The following ADPGK variants were observed in gnomAD, a reference collection of about 807,000 sequenced individuals.
ADPGK encodes the protein ADP-dependent glucokinase.
Under a neutral mutation model 42.4 loss-of-function variants are expected in ADPGK, and 26 were observed. The ratio of observed to expected loss-of-function variants is 0.61; its 90% confidence interval spans 0.45 to 0.85. ADPGK has a LOEUF of 0.85. ADPGK is among the 40% of genes least tolerant of loss of function. ADPGK has a pLI of 0.00. For synonymous variants in ADPGK, 267 were observed against 252.6 expected, an observed-to-expected ratio of 1.06 and a Z score of -0.54; for missense variants, 571 against 627.0, an observed-to-expected ratio of 0.91 and a Z score of 0.95.
chr15:72,767,519 C>A (rs527409936), intron 3 of ADPGK, among the ~76,000 whole-genome samples: 114 of 152,100 alleles, frequency 7.5e-4, no homozygotes, highest in Admixed American at 1.2e-3. Context: ...CAAGTACACA[C>A]AGAACCTCAC....
At chr15:72,769,822 AC>A (rs2066307411) in intron 3 of ADPGK, among the ~76,000 whole-genome samples, 1 of 152,112 alleles carries the variant, frequency 6.6e-6, no homozygotes, top group South Asian at 2.1e-4. Context: ...TGTGATTTTC[AC>A]CAGTTTTAAC....
rs753517663 is a variant in ADPGK, at chr15:72,752,886, G to C, written c.949C>G (p.Pro317Ala). ...MSSIVHQQVFPAVTSLGLNEQ... is the reference protein window; with the variant it reads ...MSSIVHQQVFAAVTSLGLNEQ... The stretch of plus-strand genomic sequence containing the variant: ...TTCAGCCCAAGGGAAGTCACCGCGG[G>C]AAAGACCTGCTAACAAAAACAACAA... Residue 317 changes from proline to alanine, a missense_variant, in exon 7 of 7, where the codon CCC becomes GCC. By Grantham distance (27) the Pro-to-Ala change is conservative (BLOSUM62 -1). Coordinates refer to ENST00000456471, the MANE Select transcript of ADPGK (RefSeq NM_001365225.1). 1.3e-5 allele frequency: 21 copies of C among 1,610,056 alleles called. No individual in the cohort carries two copies. Among genetic ancestry groups the C allele is most frequent in the Non-Finnish European group, 1.7e-5 (20 of 1,177,690 alleles).
intron 3 of ADPGK, among the ~76,000 whole-genome samples, chr15:72,763,689 G>C (rs1337879568): frequency 6.6e-6 from 1 of 152,154 alleles, no homozygotes; most frequent in Non-Finnish European, 1.5e-5. Context: ...AGAAGTACAG[G>C]CCTACCTCAT....
chr15:72,778,118 G>A (rs1312673622), intron 1 of ADPGK, among the ~76,000 whole-genome samples: 3 of 151,972 alleles, frequency 2.0e-5, no homozygotes. Context: ...GTGTGGTGGT[G>A]CACACCTGTA....
At chr15:72,765,714 G>A (rs2066249902) in intron 3 of ADPGK, among the ~76,000 whole-genome samples, 1 of 152,226 alleles carries the variant, frequency 6.6e-6, no homozygotes, top group African/African-American at 2.4e-5. Flanking sequence ...AACTGCAGAT[G>A]TGGTGAAAAC....
intron 2 of ADPGK, 64 bp from the exon 3 acceptor site, chr15:72,771,909 A>AT (rs1413912265): frequency 2.3e-6 from 3 of 1,307,342 alleles, no homozygotes; most frequent in South Asian, 1.7e-5. Context: ...AAGTTTAATC[A>AT]TTTTTTATTT....
intron 2 of ADPGK, among the ~76,000 whole-genome samples, chr15:72,774,514 T>TTCTA (rs1465744726): frequency 6.6e-6 from 1 of 152,074 alleles, no homozygotes; most frequent in Non-Finnish European, 1.5e-5. Flanking sequence ...ACCACTAAGG[T>TTCTA]TCTAACTTCG....
chr15:72,773,132 G>C (rs1450729752), intron 2 of ADPGK, among the ~76,000 whole-genome samples: 1 of 151,900 alleles, frequency 6.6e-6, no homozygotes, highest in Non-Finnish European at 1.5e-5. Flanking sequence ...AAAAGGGTGG[G>C]GGGGAGGTTA....
chr15:72,760,607 A>G (rs761520277), intron 3 of ADPGK, 80 bp from the exon 4 acceptor site: 52 of 1,426,884 alleles, frequency 3.6e-5, no homozygotes, highest in South Asian at 8.1e-5. Flanking sequence ...AGGACAGTAC[A>G]TTCAGGCTGA....
Position 72,756,004 on chromosome 15 carries a change from G to T in ADPGK, c.840+247C>A, listed in dbSNP as rs929694044. 4.4e-6 allele frequency: 3 copies of T among 678,640 alleles called. No homozygotes were observed. In the African/African-American group the frequency reaches 5.3e-5, roughly 12 times the overall value. 42.0% of individuals were successfully genotyped at this position (678,640 alleles called of 1,614,324 possible). On this transcript the variant is annotated intron_variant, in intron 5 of 6. Coordinates refer to ENST00000456471, the MANE Select transcript of ADPGK (RefSeq NM_001365225.1). Reference sequence around the variant, plus strand: ...AACCCTGCAGCTTGCAGCCATGGTCGGTTTAGCACAGGATGCAGAGGCTCA... The same window carrying T: ...AACCCTGCAGCTTGCAGCCATGGTCTGTTTAGCACAGGATGCAGAGGCTCA...
intron 3 of ADPGK, among the ~76,000 whole-genome samples, chr15:72,771,375 T>A (rs2066327070): frequency 6.6e-6 from 1 of 152,130 alleles, no homozygotes; most frequent in African/African-American, 2.4e-5. Context: ...AAGGCCCACA[T>A]GCTCCTAACT....
At chr15:72,759,595 A>T (rs1302594973) in intron 4 of ADPGK, among the ~76,000 whole-genome samples, 2 of 152,184 alleles carry the variant, frequency 1.3e-5, no homozygotes, top group Admixed American at 1.3e-4. Flanking sequence ...GATTCTCTTA[A>T]TTGACTTGGA....
At chr15:72,760,290 G>A in intron 4 of ADPGK, 117 bp downstream of exon 4, 1 of 1,329,966 alleles carries the variant, frequency 7.5e-7, no homozygotes, top group Non-Finnish European at 1.0e-6. Context: ...CTTTCAGTAT[G>A]GCAAAAACAG....
chr15:72,782,544 A>AAAAC (rs2066475267), intron 1 of ADPGK, among the ~76,000 whole-genome samples: 1 of 150,960 alleles, frequency 6.6e-6, no homozygotes, highest in African/African-American at 2.4e-5. Flanking sequence ...AAAAAAAAAA[A>AAAAC]AAAACCCCAA....
chr15:72,761,554 T>C (rs2066193219), intron 3 of ADPGK, among the ~76,000 whole-genome samples: 1 of 152,054 alleles, frequency 6.6e-6, no homozygotes, highest in Non-Finnish European at 1.5e-5. Flanking sequence ...AGCCATTTCG[T>C]ATCTGTTCCT....
intron 4 of ADPGK, 56 bp from the exon 5 acceptor site, chr15:72,756,503 A>G: frequency 6.3e-7 from 1 of 1,587,424 alleles, no homozygotes; most frequent in East Asian, 2.2e-5. Context: ...TAGGTCTCCT[A>G]GCTGTGGGGG....
rs947326822 is a variant in ADPGK, at chr15:72,774,952, C to T, written c.379G>A (p.Ala127Thr). The change falls in exon 2 of 7, where the codon GCA becomes ACA. Residue 127 changes from alanine (A) to threonine (T), a missense_variant. Physicochemically the swap from Ala to Thr is moderately conservative, Grantham distance 58 (BLOSUM62 0). Transcript: ENST00000456471. The stretch of plus-strand genomic sequence containing the variant: ...TCACTGAAGAAGCGCTCAGCAGCTG[C>T]TCCCTTCCCCATGAAGTGAATGAAG... ...EAFIHFMGKG[A>T]AAERFFSDKE... 6.2e-7 allele frequency: 1 copy of T among 1,614,098 alleles called. No homozygotes were observed. The highest frequency in any genetic ancestry group is 1.3e-5 in the African/African-American group (1 of 74,932).
chr15:72,783,180 A>G (rs2066489072), intron 1 of ADPGK: 2 of 1,197,476 alleles, frequency 1.7e-6, no homozygotes, highest in African/African-American at 3.1e-5. Flanking sequence ...TGGAACGAGG[A>G]AGAAGGCTCG....
At chr15:72,758,504 G>C (rs925711501) in intron 4 of ADPGK, 8 of 315,834 alleles carry the variant, frequency 2.5e-5, no homozygotes, top group African/African-American at 1.7e-4. Context: ...TTTCTGTTGA[G>C]AGAGCTGAGC....
Sources: allele counts gnomAD v4.1 joint callset (sites outside exome capture counted in the v4.1 genomes callset), GRCh38; gene constraint gnomAD v4.1.1; transcripts MANE v1.5; gene names NCBI Gene and HGNC (gene_info 2026-07-23, HGNC 2026-07-21).